Variants in AGBL1 observed in about 807,000 individuals in gnomAD.
AGBL1 encodes cytosolic carboxypeptidase 4.
A neutral mutation model predicts 118.9 loss-of-function variants in AGBL1; 130 were observed. The ratio of observed to expected loss-of-function variants is 1.09; its 90% CI spans 0.95 to 1.26. The LOEUF (loss-of-function observed/expected upper bound fraction) is 1.26. Ranked by LOEUF, AGBL1 falls within the 50% of genes most tolerant of loss-of-function variation. AGBL1 has a pLI of 0.00. For missense variants in AGBL1, 1,584 were observed against 1,298.1 expected (o/e 1.22, Z -3.38); for synonymous variants, 555 against 478.9 (o/e 1.16, Z -2.08).
intron 18 of AGBL1, among the ~76,000 whole-genome samples, chr15:86,452,916 G>A (rs150260398): frequency 2.0e-5 from 3 of 152,158 alleles, no homozygotes; most frequent in East Asian, 3.9e-4. Context: ...GTATGTACCC[G>A]GTCTGCTCTG....
intron 18 of AGBL1, among the ~76,000 whole-genome samples, chr15:86,407,455 T>C (rs1466730489): frequency 6.6e-6 from 1 of 152,170 alleles, no homozygotes; most frequent in Non-Finnish European, 1.5e-5. Flanking sequence ...AAGTGGTAAG[T>C]GCCCAATATA....
intron 21 of AGBL1, among the ~76,000 whole-genome samples, chr15:86,667,082 A>G (rs930114269): frequency 6.6e-6 from 1 of 152,176 alleles, no homozygotes; most frequent in African/African-American, 2.4e-5. Flanking sequence ...GTTAACATCT[A>G]TACTAGCAGA....
intron 21 of AGBL1, among the ~76,000 whole-genome samples, chr15:86,629,966 G>A (rs1025180722): frequency 6.6e-6 from 1 of 152,218 alleles, no homozygotes; most frequent in Non-Finnish European, 1.5e-5. Context: ...TATAAGAATA[G>A]AGGATATGGC....
At chr15:86,783,326 G>A (rs2078360485) in intron 22 of AGBL1, among the ~76,000 whole-genome samples, 1 of 152,144 alleles carries the variant, frequency 6.6e-6, no homozygotes, top group South Asian at 2.1e-4. Context: ...TGTAATTAAT[G>A]TTATCAGCTA....
chr15:86,392,284 G>T (rs915169973), intron 17 of AGBL1, among the ~76,000 whole-genome samples: 1 of 151,862 alleles, frequency 6.6e-6, no homozygotes, highest in African/African-American at 2.4e-5. Flanking sequence ...TTTAATGGCT[G>T]CATAGCATTC....
At chr15:86,255,250 A>G (rs926886819) in intron 7 of AGBL1, among the ~76,000 whole-genome samples, 11 of 152,054 alleles carry the variant, frequency 7.2e-5, no homozygotes, top group Middle Eastern at 3.4e-3. Flanking sequence ...TTTTTTTCCC[A>G]TTGCTGATAC....
intron 19 of AGBL1, among the ~76,000 whole-genome samples, chr15:86,529,359 C>T (rs1270285992): frequency 5.9e-5 from 8 of 135,578 alleles, no homozygotes; most frequent in East Asian, 2.0e-4. Flanking sequence ...AGGGTATCAA[C>T]GATGGAAGAT....
At chr15:86,949,304 C>T (rs1046601981) in intron 23 of AGBL1, among the ~76,000 whole-genome samples, 11 of 152,056 alleles carry the variant, frequency 7.2e-5, no homozygotes, top group African/African-American at 2.4e-5. Context: ...CAGAAACAGT[C>T]AGGAGTTTTC....
intron 17 of AGBL1, among the ~76,000 whole-genome samples, chr15:86,303,536 T>C (rs1476399871): frequency 6.6e-6 from 1 of 152,164 alleles, no homozygotes; most frequent in Non-Finnish European, 1.5e-5. Flanking sequence ...ATAAGAAGTT[T>C]GGTTTTGGAA....
chr15:86,605,299 G>A (rs920709471), intron 21 of AGBL1, among the ~76,000 whole-genome samples: 3 of 151,554 alleles, frequency 2.0e-5, no homozygotes, highest in Non-Finnish European at 4.4e-5. Context: ...CTGTCCTGTT[G>A]GTGACTTTTT....
At chr15:86,405,691 A>G (rs926097174) in intron 18 of AGBL1, among the ~76,000 whole-genome samples, 7 of 152,310 alleles carry the variant, frequency 4.6e-5, no homozygotes, top group African/African-American at 1.2e-4. Flanking sequence ...AATAAAATAG[A>G]TTTGTTTTCT....
At chr15:86,157,488 T>C (rs1325311759) in intron 4 of AGBL1, among the ~76,000 whole-genome samples, 3 of 152,158 alleles carry the variant, frequency 2.0e-5, no homozygotes, top group Non-Finnish European at 4.4e-5. Context: ...AAAAATTCCT[T>C]CAGCTGAGTT....
intron 5 of AGBL1, among the ~76,000 whole-genome samples, chr15:86,220,932 G>T (rs1289503465): frequency 6.6e-6 from 1 of 152,186 alleles, no homozygotes; most frequent in African/African-American, 2.4e-5. Context: ...GTGACTCATG[G>T]CTCATGCCTG....
At position 86,910,102 on chromosome 15, in the gene AGBL1, T is replaced by C. The variant is rs1479897582; in HGVS notation, c.*2808T>C. The C allele has an allele frequency of 1.3e-5, 2 of 152,248 alleles. No individual in the cohort carries two copies. Among genetic ancestry groups the C allele is most frequent in the Admixed American group, 6.5e-5 (1 of 15,286 alleles). The allele number at this position is 152,248 out of a possible 1,614,324, so 9.4% of individuals were successfully genotyped here. A position where few individuals can be genotyped will look rare whatever the true frequency, so the allele number is the denominator to read the frequency against. ...TATGGCCCATGCCATTATGGAACTCTGCAAAGAATATTACAAAAACGCCTA... is the reference window on the plus strand; with the variant it reads ...TATGGCCCATGCCATTATGGAACTCCGCAAAGAATATTACAAAAACGCCTA... On this transcript the variant is annotated 3_prime_UTR_variant, in exon 23 of 23. Transcript: ENST00000614907.
chr15:86,353,287 CA>C (rs1214297505), intron 17 of AGBL1, among the ~76,000 whole-genome samples: 1 of 152,162 alleles, frequency 6.6e-6, no homozygotes, highest in Admixed American at 6.5e-5. Flanking sequence ...ACTCTATTTG[CA>C]AAATTAAATT....
At chr15:86,767,325 G>C (rs759017066) in intron 22 of AGBL1, among the ~76,000 whole-genome samples, 2 of 151,934 alleles carry the variant, frequency 1.3e-5, no homozygotes, top group Non-Finnish European at 2.9e-5. Context: ...CCTTTGTCTG[G>C]TGTCATTATA....
At chr15:86,475,602 T>C (rs868299259) in intron 18 of AGBL1, among the ~76,000 whole-genome samples, 32 of 152,188 alleles carry the variant, frequency 2.1e-4, no homozygotes, top group African/African-American at 2.9e-4. Flanking sequence ...GTCTGATTGG[T>C]TTACCTGAAA....
chr15:86,173,503 A>G (rs1727740725), intron 5 of AGBL1, among the ~76,000 whole-genome samples: 1 of 152,074 alleles, frequency 6.6e-6, no homozygotes, highest in South Asian at 2.1e-4. Flanking sequence ...GATCTTAGCC[A>G]TAAAATCTTT....
At chr15:86,226,781 A>G (rs1362241471) in intron 6 of AGBL1, among the ~76,000 whole-genome samples, 1 of 152,130 alleles carries the variant, frequency 6.6e-6, no homozygotes, top group African/African-American at 2.4e-5. Flanking sequence ...TAGCTCAGAT[A>G]TTGCCTCCTC....
Sources: gnomAD v4.1 joint callset for allele counts (sites outside exome capture counted in the v4.1 genomes callset) on GRCh38, gnomAD v4.1.1 for gene constraint, MANE v1.5 for transcripts, NCBI Gene and HGNC (gene_info 2026-07-23, HGNC 2026-07-21) for gene names.